Variants in NEBL observed in about 807,000 individuals in gnomAD.
NEBL encodes the protein LIM and SH3 protein 2.
In NEBL, 122 loss-of-function variants were observed where a neutral mutation model predicts 140.2. That is an observed-to-expected ratio of 0.87 (90% CI 0.75 to 1.01). NEBL has a LOEUF of 1.01. NEBL is among the 50% of genes least tolerant of loss of function. The pLI is 0.00. For missense variants in NEBL, 1,365 were observed against 1,231.3 expected (o/e 1.11, Z -1.62); for synonymous variants, 436 against 398.9 (o/e 1.09, Z -1.11).
intron 4 of NEBL, among the ~76,000 whole-genome samples, chr10:20,934,881 C>A (rs1458647462): frequency 3.9e-5 from 6 of 152,160 alleles, no homozygotes; most frequent in African/African-American, 1.4e-4. Flanking sequence ...AGCAACATTT[C>A]TAGCAGGAAC....
At chr10:21,188,198 T>A (rs1825537462) in intron 3 of NEBL, among the ~76,000 whole-genome samples, 1 of 152,204 alleles carries the variant, frequency 6.6e-6, no homozygotes, top group Non-Finnish European at 1.5e-5. Context: ...TAAGAAGATT[T>A]GCTGATTTAA....
At chr10:21,112,140 T>C (rs183642759) in intron 2 of NEBL, among the ~76,000 whole-genome samples, 86 of 152,314 alleles carry the variant, frequency 5.6e-4, no homozygotes, top group Non-Finnish European at 9.3e-4. Context: ...ACATGGTTGG[T>C]GGGAGTGTAG....
chr10:21,126,162 G>T (rs1167102817), intron 2 of NEBL: 1 of 1,580,140 alleles, frequency 6.3e-7, no homozygotes, highest in Admixed American at 1.7e-5. Context: ...TTCAAGCCTG[G>T]TACCCCCCAT....
intron 3 of NEBL, among the ~76,000 whole-genome samples, chr10:21,006,633 G>A (rs1269111637): frequency 6.6e-6 from 1 of 152,132 alleles, no homozygotes; most frequent in East Asian, 1.9e-4. Flanking sequence ...TTCTAAAGCA[G>A]GCTACCATAA....
intron 2 of NEBL, among the ~76,000 whole-genome samples, chr10:21,033,395 G>T (rs2131810683): frequency 6.6e-6 from 1 of 152,188 alleles, no homozygotes; most frequent in South Asian, 2.1e-4. Flanking sequence ...CTAAAGATGG[G>T]GGAAAACCAT....
intron 3 of NEBL, among the ~76,000 whole-genome samples, chr10:21,185,031 GC>G (rs754861953): frequency 5.3e-4 from 81 of 152,064 alleles, no homozygotes; most frequent in Non-Finnish European, 9.3e-4. Context: ...TCCCATCCTG[GC>G]CCCATGTCTC....
intron 2 of NEBL, among the ~76,000 whole-genome samples, chr10:21,105,942 G>A (rs1426969021): frequency 6.6e-6 from 1 of 152,140 alleles, no homozygotes; most frequent in Non-Finnish European, 1.5e-5. Flanking sequence ...CACCAGTGAT[G>A]ATGAGCATTT....
At position 20,982,722 on chromosome 10, in the gene NEBL, TC is replaced by T. The variant is rs202038562; in HGVS notation, c.250-20944del. On this transcript the variant is annotated intron_variant, in intron 3 of 6. Coordinates refer to the NEBL transcript ENST00000417816. ...TATTCAAAAGTTCTTAGTATGGCCTTCCCCCCCAAAAAATTTCTCACTATCT... is the reference window on the plus strand; with the variant it reads ...TATTCAAAAGTTCTTAGTATGGCCTTCCCCCCAAAAAATTTCTCACTATCT... Among the ~76,000 whole-genome samples the T allele has an allele frequency of 4.1e-3, 622 of 152,142 alleles. 2 individuals carry two copies. Among genetic ancestry groups the T allele is most frequent in the Non-Finnish European group, 7.0e-3 (478 of 67,986 alleles).
At chr10:21,188,974 A>G (rs1589321772) in intron 3 of NEBL, among the ~76,000 whole-genome samples, 1 of 152,268 alleles carries the variant, frequency 6.6e-6, no homozygotes, top group East Asian at 1.9e-4. Context: ...TGTCACCTAC[A>G]ATATATATAA....
chr10:20,937,951 C>A (rs1294712651), intron 4 of NEBL, among the ~76,000 whole-genome samples: 1 of 152,208 alleles, frequency 6.6e-6, no homozygotes. Context: ...GAAGCTTGAA[C>A]TGGGTGGAGC....
intron 2 of NEBL, among the ~76,000 whole-genome samples, chr10:21,128,869 AAAG>A (rs1838965510): frequency 6.6e-6 from 1 of 152,212 alleles, no homozygotes; most frequent in African/African-American, 2.4e-5. Flanking sequence ...GAACAGCATG[AAAG>A]AAGGACATAC....
At chr10:21,160,823 T>G (rs908970238) in intron 2 of NEBL, among the ~76,000 whole-genome samples, 12 of 151,720 alleles carry the variant, frequency 7.9e-5, no homozygotes, top group Admixed American at 1.3e-4. Context: ...CTGATTAAAT[T>G]TAGTTTCAGG....
chr10:21,097,214 A>T (rs1174210977), intron 2 of NEBL, among the ~76,000 whole-genome samples: 2 of 6,642 alleles, frequency 3.0e-4, no homozygotes, highest in Admixed American at 1.9e-3. Context: ...GCACTTTGGG[A>T]GGTCCGGGGG....
intron 12 of NEBL, chr10:20,841,504 G>GC (rs1480640242): frequency 6.6e-6 from 1 of 152,176 alleles, no homozygotes; most frequent in African/African-American, 2.4e-5. Context: ...ATATTTCAAG[G>GC]CCCCCTTTAC....
chr10:20,828,586 T>C lies in NEBL; in HGVS notation c.1720A>G (p.Ile574Val). ...AEKMLSNYST[I>V]ADTPEIQRIK... Reference sequence around the variant, plus strand: ...CTCTGAATTTCAGGAGTATCTGCTATGGTAGAATAGTTAGAAAGCATCTTC... The same window carrying C: ...CTCTGAATTTCAGGAGTATCTGCTACGGTAGAATAGTTAGAAAGCATCTTC... The change falls in exon 17 of 28, where the codon ATA becomes GTA. Residue 574 changes from isoleucine (I) to valine (V), a missense_variant. Physicochemically the swap from Ile to Val is conservative, Grantham distance 29 (BLOSUM62 3). Around this residue, in one of 2 missense-constraint regions of NEBL, gnomAD observed 1,323 missense variants for 1,154.8 expected, o/e 1.15. Transcript: ENST00000377122. 1.9e-6 allele frequency: 3 copies of C among 1,596,320 alleles called. No homozygotes were observed. The highest frequency in any genetic ancestry group is 2.6e-6 in the Non-Finnish European group (3 of 1,164,168).
At position 20,792,985 on chromosome 10, in the gene NEBL, A is replaced by G. The variant is rs3781489; in HGVS notation, c.2762-5677T>C. On this transcript the variant is annotated intron_variant, in intron 26 of 27. Coordinates refer to ENST00000377122, the MANE Select transcript of NEBL (RefSeq NM_006393.3). ...TGATCACAAGACATAAGTGGGAGTT[A>G]AGTCCACAAAGTTTATATGCAATCT... 2.5e-3 allele frequency among the ~76,000 whole-genome samples: 376 copies of G among 152,262 alleles called. 9 individuals carry two copies. The East Asian group carries it at 0.063, about 26-fold the overall frequency.
chr10:20,911,878 A>G (rs1323791016), intron 4 of NEBL, among the ~76,000 whole-genome samples: 1 of 152,206 alleles, frequency 6.6e-6, no homozygotes, highest in Non-Finnish European at 1.5e-5. Flanking sequence ...TCAAGCAACA[A>G]CACCGTCAAA....
intron 2 of NEBL, among the ~76,000 whole-genome samples, chr10:21,109,363 C>T (rs1381455219): frequency 5.3e-5 from 8 of 151,954 alleles, no homozygotes; most frequent in East Asian, 3.9e-4. Context: ...TTGATCGTGG[C>T]GGATAAGCTT....
At chr10:20,814,639 C>CACACACACACACA (rs905894451) in intron 22 of NEBL, among the ~76,000 whole-genome samples, 93 of 151,716 alleles carry the variant, frequency 6.1e-4, no homozygotes, top group Middle Eastern at 3.4e-3. Context: ...CACACACACA[C>CACACACACACACA]AACTGGTTAT....
Sources: allele counts gnomAD v4.1 joint callset (sites outside exome capture counted in the v4.1 genomes callset), GRCh38; gene constraint gnomAD v4.1.1; regional missense constraint gnomAD v4.1.1; transcripts MANE v1.5; gene names NCBI Gene and HGNC (gene_info 2026-07-23, HGNC 2026-07-21).